TOR1A: variants seen among roughly 807,000 people sequenced by gnomAD.
The protein encoded by TOR1A is torsin-1A.
Under a neutral mutation model 31.4 loss-of-function variants are expected in TOR1A, and 18 were observed. The ratio of observed to expected loss-of-function variants is 0.57; its 90% CI spans 0.40 to 0.85. TOR1A has a LOEUF of 0.85. TOR1A is among the 40% of genes least tolerant of loss of function. TOR1A has a pLI of 0.00. For synonymous variants in TOR1A, 168 were observed against 165.9 expected (o/e 1.01, Z -0.10); for missense variants, 375 against 416.4 (o/e 0.90, Z 0.87).
chr9:129,823,911 C>T lies in TOR1A; in HGVS notation c.175G>A (p.Glu59Lys). 1 of 1,571,672 alleles carries T rather than the reference C, an allele frequency of 6.4e-7. No homozygotes were observed. The highest frequency in any genetic ancestry group is 8.6e-7 in the Non-Finnish European group (1 of 1,158,520). Residue 59 changes from glutamate (E) to lysine (K), a missense_variant, in exon 1 of 5, where the codon GAG becomes AAG. Physicochemically the swap from Glu to Lys is moderately conservative, Grantham distance 56. Coordinates refer to ENST00000351698, the MANE Select transcript of TOR1A (RefSeq NM_000113.3). ...CCGQKRSLSR[E>K]ALQKDLDDNL... ...TCCAGCCCCCGCCCCAGCCTACCCT[C>T]CCGGCTAAGGCTCCGCTTCTGCCCG...
chr9:129,816,680 T>C (rs192580888), intron 4 of TOR1A, among the ~76,000 whole-genome samples: 22 of 152,290 alleles, frequency 1.4e-4, no homozygotes, highest in Non-Finnish European at 2.2e-4. Flanking sequence ...GACTCCCAGG[T>C]TGGCACTCCT....
chr9:129,823,458 T>G, intron 1 of TOR1A: 1 of 270,692 alleles, frequency 3.7e-6, no homozygotes, highest in Non-Finnish European at 7.2e-6. Flanking sequence ...TCCTGGGATG[T>G]GACCCCTACC....
chr9:129,820,320 C>A (rs2031153685), intron 2 of TOR1A, among the ~76,000 whole-genome samples: 1 of 152,008 alleles, frequency 6.6e-6, no homozygotes, highest in African/African-American at 2.4e-5. Context: ...TGGGGTTTCA[C>A]CATCTTGGCC....
chr9:129,820,902 A>G (rs1225399148), intron 2 of TOR1A, among the ~76,000 whole-genome samples: 3 of 152,178 alleles, frequency 2.0e-5, no homozygotes, highest in Non-Finnish European at 4.4e-5. Flanking sequence ...CCCGTGGAAC[A>G]TTCGCATTTT....
At chr9:129,818,430 A>G in intron 4 of TOR1A, 90 bp downstream of exon 4, 2 of 1,588,272 alleles carry the variant, frequency 1.3e-6, no homozygotes, top group Non-Finnish European at 1.7e-6. Flanking sequence ...CCCAGCTCCC[A>G]GGTGATGCTG....
chr9:129,819,560 A>G (rs2031129702), intron 2 of TOR1A, among the ~76,000 whole-genome samples: 1 of 152,010 alleles, frequency 6.6e-6, no homozygotes, highest in South Asian at 2.1e-4. Flanking sequence ...GTTCAAGACC[A>G]GCCTGGCCAA....
At chr9:129,817,836 A>C (rs1168155738) in intron 4 of TOR1A, among the ~76,000 whole-genome samples, 16 of 122,814 alleles carry the variant, frequency 1.3e-4, no homozygotes, top group African/African-American at 5.7e-4. Context: ...CCCAGTCTCT[A>C]CCAAAAAAAA....
chr9:129,814,949 T>G (rs2030998236), intron 4 of TOR1A, among the ~76,000 whole-genome samples: 1 of 152,096 alleles, frequency 6.6e-6, no homozygotes, highest in South Asian at 2.1e-4. Flanking sequence ...CACGCTGGGC[T>G]CCCCGTGAAG....
At chr9:129,819,974 A>AAAAT (rs895807504) in intron 2 of TOR1A, among the ~76,000 whole-genome samples, 15 of 150,658 alleles carry the variant, frequency 1.0e-4, no homozygotes, top group African/African-American at 3.4e-4. Context: ...AAAATAAAAT[A>AAAAT]AAATAAATAA....
chr9:129,820,950 C>T (rs2031169677), intron 2 of TOR1A, among the ~76,000 whole-genome samples: 1 of 152,148 alleles, frequency 6.6e-6, no homozygotes, highest in Non-Finnish European at 1.5e-5. Flanking sequence ...CCCACACGCT[C>T]ACCCAGACAG....
intron 4 of TOR1A, among the ~76,000 whole-genome samples, chr9:129,814,937 C>G (rs2030997715): frequency 6.6e-6 from 1 of 152,162 alleles, no homozygotes; most frequent in Non-Finnish European, 1.5e-5. Context: ...AGATGTGCAG[C>G]CCACGCTGGG....
chr9:129,822,520 A>C (rs1453916690), intron 2 of TOR1A, 61 bp downstream of exon 2: 2 of 1,607,684 alleles, frequency 1.2e-6, no homozygotes, highest in Admixed American at 1.7e-5. Flanking sequence ...ATCTCATCCC[A>C]CAACAAAGAG....
chr9:129,815,178 GCTC>G (rs776089529), intron 4 of TOR1A, among the ~76,000 whole-genome samples: 17 of 152,242 alleles, frequency 1.1e-4, no homozygotes, highest in African/African-American at 3.1e-4. Flanking sequence ...CCCAACCCAA[GCTC>G]CTCCTCATTC....
At position 129,813,992 on chromosome 9, in the gene TOR1A, C is replaced by T; in HGVS notation, c.979G>A (p.Asp327Asn). The T allele has an allele frequency of 6.2e-7, 1 of 1,614,200 alleles. No homozygotes were observed. Among genetic ancestry groups the T allele is most frequent in the Non-Finnish European group, 8.5e-7 (1 of 1,180,046 alleles). The change falls in exon 5 of 5, where the codon GAT (aspartate) becomes AAT (asparagine). Residue 327 changes from aspartate (D) to asparagine (N), a missense_variant. Physicochemically the swap from Asp to Asn is conservative, Grantham distance 23. Transcript: ENST00000351698. The part of the protein sequence containing the change: ...KGCKTVFTKL[D>N]YYYDD ...GACTGTCAATCATCGTAGTAATAATCTAACTTGGTGAACACCGTTTTGCAG... is the reference window on the plus strand; with the variant it reads ...GACTGTCAATCATCGTAGTAATAATTTAACTTGGTGAACACCGTTTTGCAG...
At chr9:129,818,406 T>C (rs2031093801) in intron 4 of TOR1A, 114 bp downstream of exon 4, 1 of 1,523,414 alleles carries the variant, frequency 6.6e-7, no homozygotes, top group South Asian at 1.1e-5. Context: ...ACTGAGAATC[T>C]GCATTTCTTT....
At chr9:129,818,428 C>G (rs923663399) in intron 4 of TOR1A, 92 bp downstream of exon 4, 2 of 1,589,952 alleles carry the variant, frequency 1.3e-6, no homozygotes, top group African/African-American at 1.3e-5. Flanking sequence ...TACCCAGCTC[C>G]CAGGTGATGC....
At chr9:129,819,498 G>A (rs574733889) in intron 2 of TOR1A, among the ~76,000 whole-genome samples, 1 of 152,144 alleles carries the variant, frequency 6.6e-6, no homozygotes, top group South Asian at 2.1e-4. Flanking sequence ...GTTCATGCCT[G>A]TAATCCCAGC....
rs2030957900 is a variant in TOR1A at position 129,813,780 on chromosome 9, G to C, written c.*192C>G. ...CGTGTTCGGGAGGCTTCACGTCCTC[G>C]CCCGTGGTCCCTGGGTGGCCTGCAG... On this transcript the variant is annotated 3_prime_UTR_variant, in exon 5 of 5. Transcript: ENST00000351698. 2 of 782,728 alleles carry C rather than the reference G, an allele frequency of 2.6e-6. No individual in the cohort carries two copies. Among genetic ancestry groups the C allele is most frequent in the Admixed American group, 2.2e-5 (1 of 45,908 alleles). The allele number at this position is 782,728 out of a possible 1,614,324, so 48.5% of individuals were successfully genotyped here. A position where few individuals can be genotyped will look rare whatever the true frequency, so the allele number is the denominator to read the frequency against.
At chr9:129,814,972 C>T (rs1259446987) in intron 4 of TOR1A, among the ~76,000 whole-genome samples, 2 of 152,166 alleles carry the variant, frequency 1.3e-5, no homozygotes, top group African/African-American at 4.8e-5. Flanking sequence ...CTGGCCTTGG[C>T]CGTGTTTTCT....
Sources: gnomAD v4.1 joint callset for allele counts (sites outside exome capture counted in the v4.1 genomes callset) on GRCh38, gnomAD v4.1.1 for gene constraint, MANE v1.5 for transcripts, NCBI Gene and HGNC (gene_info 2026-07-23, HGNC 2026-07-21) for gene names.